Variants in HDAC3 observed in about 807,000 individuals in gnomAD.
The protein encoded by HDAC3 is histone deacetylase 3, also known as SMAP45.
A neutral mutation model predicts 62.3 loss-of-function variants in HDAC3; 21 were observed. The observed-to-expected ratio is 0.34, with a 90% CI of 0.24 to 0.49. The LOEUF is 0.49. Among genes scored for constraint, HDAC3 ranks in the 20% least tolerant of loss-of-function variants. The pLI is 0.99. For synonymous variants in HDAC3, 198 were observed against 206.5 expected (o/e 0.96, Z 0.35); for missense variants, 270 against 556.9 (o/e 0.48, Z 5.19).
rs58610895 is a variant in HDAC3, at chr5:141,624,372, CAAAAAAAAAAAAAAAA to C, written c.1217+820_1217+835del. Among the ~76,000 whole-genome samples, 73 of 22,116 alleles carry C rather than the reference CAAAAAAAAAAAAAAAA, an allele frequency of 3.3e-3. 2 individuals carry two copies. The highest frequency in any genetic ancestry group is 3.1e-3 in the South Asian group (1 of 320). The allele number at this position is 22,116 out of a possible 152,430, so 14.5% of individuals were successfully genotyped here. A position where few individuals can be genotyped will look rare whatever the true frequency, so the allele number is the denominator to read the frequency against. On this transcript the variant is annotated intron_variant, in intron 14 of 14. Coordinates refer to ENST00000305264, the MANE Select transcript of HDAC3 (RefSeq NM_003883.4). ...CAACAAGGCAAGACTCCGTCTCTAC[CAAAAAAAAAAAAAAAA>C]AAAAAAAAAAAAAAAAAAATTAGCC...
chr5:141,623,890 G>A (rs1466830457), intron 14 of HDAC3, among the ~76,000 whole-genome samples: 1 of 152,000 alleles, frequency 6.6e-6, no homozygotes, highest in Non-Finnish European at 1.5e-5. Context: ...TCCCCATTAA[G>A]TGCATCTGTT....
chr5:141,624,866 T>G, intron 14 of HDAC3: 1 of 198,120 alleles, frequency 5.0e-6, no homozygotes, highest in South Asian at 1.1e-4. Context: ...TGTAAATGAG[T>G]GTATATGTGT....
chr5:141,630,091 G>T lies in HDAC3; in HGVS notation c.316C>A (p.Arg106Ser). 6.2e-7 allele frequency: 1 copy of T among 1,614,110 alleles called. No individual in the cohort carries two copies. Among genetic ancestry groups the T allele is most frequent in the Non-Finnish European group, 8.5e-7 (1 of 1,180,036 alleles). ...VFPGLFEFCSRYTGASLQGAT... is the reference protein window; with the variant it reads ...VFPGLFEFCSSYTGASLQGAT... Reference sequence around the variant, plus strand: ...CCTTGCAGAGATGCGCCTGTGTAACGCGAGCAGAACTCAAAGAGCCCGGGA... The same window carrying T: ...CCTTGCAGAGATGCGCCTGTGTAACTCGAGCAGAACTCAAAGAGCCCGGGA... Residue 106 changes from arginine to serine, a missense_variant, in exon 4 of 15, where the codon CGT becomes AGT. Around this residue, in one of 5 missense-constraint regions of HDAC3, gnomAD observed 156 missense variants for 383.9 expected, o/e 0.41. Transcript: ENST00000305264.
At chr5:141,633,570 A>C (rs2099905536) in intron 3 of HDAC3, among the ~76,000 whole-genome samples, 1 of 152,116 alleles carries the variant, frequency 6.6e-6, no homozygotes, top group African/African-American at 2.4e-5. Context: ...TCACGTCTGT[A>C]ATCCCAGCAC....
rs1250997721 is a variant in HDAC3, at chr5:141,628,737, A to G, written c.611-98T>C. ...ACTCTGGGAGCCTCTCATTCCATCT[A>G]TGTAGCTTCACCATAAACTCCCTAG... On this transcript the variant is annotated intron_variant, in intron 7 of 14. Coordinates refer to ENST00000305264, the MANE Select transcript of HDAC3 (RefSeq NM_003883.4). This position sits in a 1 kb window ranked among gnomAD's most constrained non-coding sequence, Gnocchi z 4.7. 7 of 824,548 alleles carry G rather than the reference A, an allele frequency of 8.5e-6. No homozygotes were observed. The highest frequency in any genetic ancestry group is 3.4e-5 in the African/African-American group (2 of 58,264). The allele number at this position is 824,548 out of a possible 1,614,324, so 51.1% of individuals were successfully genotyped here.
intron 14 of HDAC3, 66 bp from the exon 15 acceptor site, chr5:141,621,603 T>TCTCAGGCCCCGTTGAGAA: frequency 7.3e-7 from 1 of 1,376,602 alleles, no homozygotes; most frequent in Non-Finnish European, 1.0e-6. Context: ...AGCACCCTTT[T>TCTCAGGCCCCGTTGAGAA]CCAAAGCCAT....
intron 10 of HDAC3, among the ~76,000 whole-genome samples, 191 bp downstream of exon 10, chr5:141,627,702 T>C (rs1370003205): frequency 1.3e-5 from 2 of 152,214 alleles, no homozygotes; most frequent in African/African-American, 4.8e-5. Context: ...AGGTGCTTAA[T>C]AAAAATATAT....
chr5:141,632,655 C>T (rs1251109376), intron 3 of HDAC3, among the ~76,000 whole-genome samples: 1 of 152,176 alleles, frequency 6.6e-6, no homozygotes, highest in African/African-American at 2.4e-5. Context: ...AAACAAGAAA[C>T]CTCCCCAAAC....
In HDAC3 at chr5:141,636,834, C is replaced by CGCCGCCT; in HGVS notation, c.-45_-44insAGGCGGC. The CGCCGCCT allele has an allele frequency of 7.0e-7, 1 of 1,429,986 alleles. No homozygotes were observed. Among genetic ancestry groups the CGCCGCCT allele is most frequent in the Non-Finnish European group, 9.2e-7 (1 of 1,092,182 alleles). 88.6% of individuals were successfully genotyped at this position (1,429,986 alleles called of 1,614,324 possible). ...CCCCGCACCTCCGCCGCCCGCCGCCCGCGGCCGCCGCCAGCCCCTCCCCGG... is the reference window on the plus strand; with the variant it reads ...CCCCGCACCTCCGCCGCCCGCCGCCCGCCGCCTGCGGCCGCCGCCAGCCCCTCCCCGG... On this transcript the variant is annotated 5_prime_UTR_variant, in exon 1 of 15. Coordinates refer to ENST00000305264, the MANE Select transcript of HDAC3 (RefSeq NM_003883.4).
In HDAC3 at chr5:141,636,737, G is replaced by T. The variant is rs1463690333; in HGVS notation, c.54C>A (p.Tyr18Ter). Residue 18 changes from tyrosine to a stop codon, truncating the protein, a stop_gained and splice_region_variant, in exon 1 of 15, where the codon TAC (tyrosine) becomes TAA (stop). Coordinates refer to ENST00000305264, the MANE Select transcript of HDAC3 (RefSeq NM_003883.4). LOFTEE classifies it high-confidence loss of function. ...FYDPDVGNFHYGAGHPMKPHR... is the reference protein window; with the variant it reads ...FYDPDVGNFH Reference sequence around the variant, plus strand: ...TCATGCATATCCCTGTTTCCTCACCGTAGTGGAAGTTGCCCACGTCGGGGT... The same window carrying T: ...TCATGCATATCCCTGTTTCCTCACCTTAGTGGAAGTTGCCCACGTCGGGGT... The T allele has an allele frequency of 6.2e-7, 1 of 1,614,032 alleles. No homozygotes were observed. The highest frequency in any genetic ancestry group is 8.5e-7 in the Non-Finnish European group (1 of 1,179,914).
Position 141,625,487 on chromosome 5 carries a change from TCC to T in HDAC3, c.1060-124_1060-123del. ...ATCTCAGTGGTACCTCTAGTTCAGG[TCC>T]CCCAACTGATAGCTCTCCCTCCCCA... On this transcript the variant is annotated intron_variant, in intron 13 of 14. Transcript: ENST00000305264. The surrounding 1 kb of genome is among the most constrained non-coding windows in gnomAD (Gnocchi z 4.0). 8.3e-7 allele frequency: 1 copy of T among 1,211,118 alleles called. No individual in the cohort carries two copies. Among genetic ancestry groups the T allele is most frequent in the Non-Finnish European group, 1.2e-6 (1 of 829,794 alleles). The allele number at this position is 1,211,118 out of a possible 1,614,324, so 75.0% of individuals were successfully genotyped here. A position where few individuals can be genotyped will look rare whatever the true frequency, so the allele number is the denominator to read the frequency against.
rs2099904668 is a variant in HDAC3 at position 141,627,881 on chromosome 5, A to G, written c.830+12T>C. 7 of 1,613,672 alleles carry G rather than the reference A, an allele frequency of 4.3e-6. No homozygotes were observed. Among genetic ancestry groups the G allele is most frequent in the African/African-American group, 1.3e-5 (1 of 75,016 alleles). On this transcript the variant is annotated intron_variant, in intron 10 of 14. Transcript: ENST00000305264. ...TAAAAACCTTGGGGAGAAGAAGGAG[A>G]GCAAGTCTCACCCATGCCCTCGGAT...
intron 14 of HDAC3, among the ~76,000 whole-genome samples, chr5:141,624,372 CAAAAAAAAAAAAAA>C (rs58610895): frequency 4.5e-3 from 100 of 22,106 alleles, no homozygotes; most frequent in African/African-American, 0.013. Context: ...CCGTCTCTAC[CAAAAAAAAAAAAAA>C]AAAAAAAAAA....
In HDAC3 at chr5:141,625,351, G is replaced by T. The variant is rs774182566; in HGVS notation, c.1074C>A (p.Ile358=). ...TCAGGTTTTCAAAGATTGTCTGGCG[G>T]ATCTGGTCCAGATACTGGTTGGAAA... is the stretch of plus-strand genomic sequence containing the variant. ...NQNSRQYLDQ[I]RQTIFENLKM... The change falls in exon 14 of 15, where the codon ATC becomes ATA. Residue 358 remains isoleucine (I), a synonymous_variant. Coordinates refer to ENST00000305264, the MANE Select transcript of HDAC3 (RefSeq NM_003883.4). The surrounding 1 kb of genome is among the most constrained non-coding windows in gnomAD (Gnocchi z 4.0). 5 of 1,613,968 alleles carry T rather than the reference G, an allele frequency of 3.1e-6. No homozygotes were observed. Among genetic ancestry groups the T allele is most frequent in the Non-Finnish European group, 4.2e-6 (5 of 1,180,012 alleles).
At position 141,628,795 on chromosome 5, in the gene HDAC3, G is replaced by A. The variant is rs1369754534; in HGVS notation, c.611-156C>T. Among the ~76,000 whole-genome samples the A allele has an allele frequency of 2.6e-5, 4 of 152,190 alleles. No individual in the cohort carries two copies. Among genetic ancestry groups the A allele is most frequent in the African/African-American group, 4.8e-5 (2 of 41,454 alleles). On this transcript the variant is annotated intron_variant, in intron 7 of 14. Coordinates refer to ENST00000305264, the MANE Select transcript of HDAC3 (RefSeq NM_003883.4). This position sits in a 1 kb window ranked among gnomAD's most constrained non-coding sequence, Gnocchi z 4.7. The stretch of plus-strand genomic sequence containing the variant: ...AAATCTCTTGCAGCTTGCATTCATT[G>A]GGCAAATAGTTTTGGGGGATCCACT...
In HDAC3 at chr5:141,621,376, G is replaced by C; in HGVS notation, c.*92C>G. 1 of 1,148,242 alleles carries C rather than the reference G, an allele frequency of 8.7e-7. No homozygotes were observed. The highest frequency in any genetic ancestry group is 1.3e-6 in the Non-Finnish European group (1 of 761,254). 71.1% of individuals were successfully genotyped at this position (1,148,242 alleles called of 1,614,324 possible). On this transcript the variant is annotated 3_prime_UTR_variant, in exon 15 of 15. Coordinates refer to ENST00000305264, the MANE Select transcript of HDAC3 (RefSeq NM_003883.4). ...CCAGAGTCAGCAAAAGCCCTGGGGTGACCCCCAGGACTCTAGGAGCCACTC... is the reference window on the plus strand; with the variant it reads ...CCAGAGTCAGCAAAAGCCCTGGGGTCACCCCCAGGACTCTAGGAGCCACTC...
In HDAC3 at chr5:141,636,834, CGCGGCCGCCGCCA is replaced by C. The variant is rs2099906096; in HGVS notation, c.-57_-45del. 2 of 1,429,984 alleles carry C rather than the reference CGCGGCCGCCGCCA, an allele frequency of 1.4e-6. No individual in the cohort carries two copies. The highest frequency in any genetic ancestry group is 1.8e-6 in the Non-Finnish European group (2 of 1,092,180). The allele number at this position is 1,429,984 out of a possible 1,614,324, so 88.6% of individuals were successfully genotyped here. A position where few individuals can be genotyped will look rare whatever the true frequency, so the allele number is the denominator to read the frequency against. ...CCCCGCACCTCCGCCGCCCGCCGCC[CGCGGCCGCCGCCA>C]GCCCCTCCCCGGCCGTGCGTGCTGC... On this transcript the variant is annotated 5_prime_UTR_variant, in exon 1 of 15. Coordinates refer to ENST00000305264, the MANE Select transcript of HDAC3 (RefSeq NM_003883.4).
Position 141,625,877 on chromosome 5 carries a change from C to T in HDAC3, c.980-113G>A, listed in dbSNP as rs1264701851. ...CTACATAATAGCTGCCCAATCTCTT[C>T]CCTGCTCTGAGCCCAGGGGTTTAGT... On this transcript the variant is annotated intron_variant, in intron 12 of 14. Transcript: ENST00000305264. The surrounding 1 kb of genome is among the most constrained non-coding windows in gnomAD (Gnocchi z 4.0). 8 of 1,302,932 alleles carry T rather than the reference C, an allele frequency of 6.1e-6. No homozygotes were observed. Among genetic ancestry groups the T allele is most frequent in the Non-Finnish European group, 8.9e-6 (8 of 898,092 alleles). 80.7% of individuals were successfully genotyped at this position (1,302,932 alleles called of 1,614,324 possible).
At chr5:141,635,716 C>G (rs2099905871) in intron 2 of HDAC3, among the ~76,000 whole-genome samples, 1 of 152,246 alleles carries the variant, frequency 6.6e-6, no homozygotes, top group Non-Finnish European at 1.5e-5. Flanking sequence ...GCCATCCTCT[C>G]GCCTCGGCCT....
Sources: gnomAD v4.1 joint callset for allele counts (sites outside exome capture counted in the v4.1 genomes callset) on GRCh38, gnomAD v4.1.1 for gene constraint, gnomAD v4.1.1 regional missense constraint, Gnocchi (gnomAD v3.1) non-coding constraint, MANE v1.5 for transcripts, NCBI Gene and HGNC (gene_info 2026-07-23, HGNC 2026-07-21) for gene names.